OSBPL10: variants seen among roughly 807,000 people sequenced by gnomAD.
OSBPL10 encodes oxysterol binding protein like 10.
OSBPL10 carries 49 observed loss-of-function variants against 81.7 expected under a neutral mutation model. That is an observed-to-expected ratio of 0.60 (90% confidence interval 0.48 to 0.76). The LOEUF (loss-of-function observed/expected upper bound fraction) is 0.76. Among genes scored for constraint, OSBPL10 ranks in the 30% least tolerant of loss-of-function variants. The pLI is 0.00. For missense variants in OSBPL10, 923 were observed against 987.8 expected, an observed-to-expected ratio of 0.93 and a Z score of 0.88; for synonymous variants, 419 against 383.6, an observed-to-expected ratio of 1.09 and a Z score of -1.08.
At chr3:31,779,406 C>G (rs1030842153) in intron 4 of OSBPL10, among the ~76,000 whole-genome samples, 2 of 152,024 alleles carry the variant, frequency 1.3e-5, no homozygotes, top group African/African-American at 4.8e-5. Flanking sequence ...CAAAAGTGAG[C>G]AGGAATTGTT....
At chr3:31,903,355 T>C (rs1220328508) in intron 1 of OSBPL10, among the ~76,000 whole-genome samples, 1 of 139,736 alleles carries the variant, frequency 7.2e-6, no homozygotes, top group African/African-American at 2.6e-5. Flanking sequence ...TTAGACAAGG[T>C]CTCACTATGT....
chr3:32,059,651 G>C (rs1490499356), intron 1 of OSBPL10, among the ~76,000 whole-genome samples: 2 of 151,762 alleles, frequency 1.3e-5, no homozygotes, highest in Non-Finnish European at 1.5e-5. Context: ...GGCATGATGG[G>C]TCAGATCTGT....
At chr3:32,017,095 G>A (rs751888802) in intron 2 of OSBPL10, among the ~76,000 whole-genome samples, 2 of 152,136 alleles carry the variant, frequency 1.3e-5, no homozygotes, top group African/African-American at 2.4e-5. Flanking sequence ...CCATTAGAAC[G>A]TGGGAAGAGG....
chr3:32,031,263 G>C (rs1040969384), intron 2 of OSBPL10, among the ~76,000 whole-genome samples: 2 of 152,098 alleles, frequency 1.3e-5, no homozygotes, highest in African/African-American at 4.8e-5. Context: ...ATTTCAGGGA[G>C]AGTAACTGTG....
At chr3:31,760,593 T>A (rs1261605108) in intron 4 of OSBPL10, among the ~76,000 whole-genome samples, 1 of 152,228 alleles carries the variant, frequency 6.6e-6, no homozygotes, top group Non-Finnish European at 1.5e-5. Flanking sequence ...GATGCAATCA[T>A]CCATATTTTT....
upstream of OSBPL10, chr3:31,986,278 C>G (rs1698931495): frequency 6.6e-6 from 1 of 152,186 alleles, no homozygotes; most frequent in Non-Finnish European, 1.5e-5. Flanking sequence ...AACAGAAACT[C>G]AAAGAGGAGG....
intron 3 of OSBPL10, among the ~76,000 whole-genome samples, chr3:31,850,993 A>G (rs1700751754): frequency 6.6e-6 from 1 of 152,250 alleles, no homozygotes; most frequent in South Asian, 2.1e-4. Context: ...TGAGGAAAGC[A>G]TGAACAACAT....
At position 31,675,086 on chromosome 3, in the gene OSBPL10, CA is replaced by C. The variant is rs752085819; in HGVS notation, c.1727-4104del. On this transcript the variant is annotated intron_variant, in intron 8 of 11. Coordinates refer to ENST00000396556, the MANE Select transcript of OSBPL10 (RefSeq NM_017784.5). ...TGGTAGTAAAATCCTTCCAGGCGAG[CA>C]ATATGTCTCCCTGGCACCATAACCT... is the stretch of plus-strand genomic sequence containing the variant. Among the ~76,000 whole-genome samples, 15 of 152,254 alleles carry C rather than the reference CA, an allele frequency of 9.9e-5. No homozygotes were observed. The South Asian group carries it at 2.9e-3, about 29-fold the overall frequency.
At chr3:31,967,211 C>G (rs1698426684) in intron 1 of OSBPL10, among the ~76,000 whole-genome samples, 1 of 152,084 alleles carries the variant, frequency 6.6e-6, no homozygotes, top group African/African-American at 2.4e-5. Context: ...GACAGGAATG[C>G]AGAGAGCTCA....
At chr3:32,070,802 A>G (rs939197160) in intron 1 of OSBPL10, among the ~76,000 whole-genome samples, 4 of 151,470 alleles carry the variant, frequency 2.6e-5, no homozygotes, top group African/African-American at 9.7e-5. Flanking sequence ...ACCTTCCTCC[A>G]CAACTCACTA....
At chr3:31,727,836 A>T (rs188155212) in intron 6 of OSBPL10, among the ~76,000 whole-genome samples, 19 of 152,306 alleles carry the variant, frequency 1.2e-4, no homozygotes, top group African/African-American at 4.1e-4. Context: ...GGGATGAAAA[A>T]TTTAAAAAAA....
At chr3:31,693,509 T>A (rs1038386988) in intron 7 of OSBPL10, among the ~76,000 whole-genome samples, 16 of 152,260 alleles carry the variant, frequency 1.1e-4, no homozygotes, top group Admixed American at 3.3e-4. Context: ...ACACAGGTAA[T>A]GATGTCATTT....
chr3:31,856,699 C>A (rs1700919713), intron 3 of OSBPL10, among the ~76,000 whole-genome samples: 1 of 152,188 alleles, frequency 6.6e-6, no homozygotes, highest in Admixed American at 6.5e-5. Context: ...AATAAAACAG[C>A]TTTAAAATAT....
At chr3:32,049,202 C>A (rs1245651339) in intron 1 of OSBPL10, among the ~76,000 whole-genome samples, 1 of 152,166 alleles carries the variant, frequency 6.6e-6, no homozygotes, top group Non-Finnish European at 1.5e-5. Flanking sequence ...TACTTTATTC[C>A]TTTACTTTCC....
At chr3:32,017,588 C>T (rs1237847712) in intron 2 of OSBPL10, among the ~76,000 whole-genome samples, 1 of 152,102 alleles carries the variant, frequency 6.6e-6, no homozygotes. Context: ...ACAGCTCTAC[C>T]CTACCACTTC....
intron 2 of OSBPL10, among the ~76,000 whole-genome samples, chr3:32,045,045 C>T (rs9835172): frequency 0.044 from 6,688 of 152,252 alleles, 417 homozygotes; most frequent in African/African-American, 0.13. Flanking sequence ...TAACTTACAG[C>T]ATTTAATTTT....
chr3:31,811,396 C>T (rs968723065), intron 4 of OSBPL10, among the ~76,000 whole-genome samples: 17 of 152,258 alleles, frequency 1.1e-4, no homozygotes, highest in African/African-American at 1.4e-4. Context: ...GCCCCATGTG[C>T]GGCGCAGGGA....
intron 2 of OSBPL10, among the ~76,000 whole-genome samples, chr3:32,014,702 G>A (rs1173332511): frequency 9.2e-5 from 14 of 152,232 alleles, no homozygotes; most frequent in African/African-American, 3.1e-4. Context: ...AAACCCCTTG[G>A]TCTCAGCCCA....
At chr3:31,864,096 C>T (rs561340564) in intron 3 of OSBPL10, among the ~76,000 whole-genome samples, 2 of 152,230 alleles carry the variant, frequency 1.3e-5, no homozygotes, top group Admixed American at 6.5e-5. Context: ...CCCAGGCCTC[C>T]GAGGACACAC....
Sources: allele counts gnomAD v4.1 joint callset (sites outside exome capture counted in the v4.1 genomes callset), GRCh38; gene constraint gnomAD v4.1.1; transcripts MANE v1.5; gene names NCBI Gene and HGNC (gene_info 2026-07-23, HGNC 2026-07-21).